FUS: variants seen among roughly 807,000 people sequenced by gnomAD.
The protein encoded by FUS is FUS RNA binding protein.
A neutral mutation model predicts 82.7 loss-of-function variants in FUS; 5 were observed. The observed-to-expected ratio is 0.06, with a 90% CI of 0.03 to 0.13. The LOEUF (loss-of-function observed/expected upper bound fraction) is 0.13. Ranked by LOEUF, FUS falls within the 10% of genes least tolerant of loss-of-function variation. The pLI, the probability that FUS is intolerant of heterozygous loss-of-function variation, is 1.00. For missense variants in FUS, 512 were observed against 707.8 expected (o/e 0.72, Z 3.14); for synonymous variants, 281 against 247.4 (o/e 1.14, Z -1.27).
intron 9 of FUS, 25 bp downstream of exon 9, chr16:31,189,251 T>C (rs1402432037): frequency 6.8e-7 from 1 of 1,481,132 alleles, no homozygotes; most frequent in Non-Finnish European, 9.4e-7. Flanking sequence ...GAGTGGGAGC[T>C]TTCTGTCAGT....
At chr16:31,186,928 T>C in intron 7 of FUS, 92 bp downstream of exon 7, 1 of 1,333,334 alleles carries the variant, frequency 7.5e-7, no homozygotes, top group Non-Finnish European at 1.1e-6. Context: ...AATTTAAATG[T>C]CAAAGGTTTT....
chr16:31,182,084 G>C, intron 1 of FUS: 1 of 387,374 alleles, frequency 2.6e-6, no homozygotes, highest in Non-Finnish European at 4.9e-6. Flanking sequence ...TCTGCCTCCC[G>C]GGTTCAAGCG....
chr16:31,189,828 G>A (rs1247349499), intron 10 of FUS, 34 bp downstream of exon 10: 1 of 1,613,392 alleles, frequency 6.2e-7, no homozygotes, highest in African/African-American at 1.3e-5. Flanking sequence ...GGTGGGGCTG[G>A]GGATATAGGG....
Position 31,190,963 on chromosome 16 carries a change from G to A in FUS, c.1394G>A (p.Gly465Glu), listed in dbSNP as rs141684472. The change falls in exon 14 of 15, where the codon GGG becomes GAG. Residue 465 changes from glycine to glutamate, a missense_variant and splice_region_variant. Coordinates refer to ENST00000254108, the MANE Select transcript of FUS (RefSeq NM_004960.4). The part of the protein sequence containing the change: ...PGGGPGGSHM[G>E]GNYGDDRRGG... ...ATAGATCTTGTTTCTTTTGTCCTAG[G>A]GGGTAACTACGGGGATGATCGTCGT... 24 of 1,612,394 alleles carry A rather than the reference G, an allele frequency of 1.5e-5. No individual in the cohort carries two copies. Among genetic ancestry groups the A allele is most frequent in the Non-Finnish European group, 2.0e-5 (23 of 1,178,922 alleles).
Position 31,187,309 on chromosome 16 carries a change from T to A in FUS, c.799+473T>A, listed in dbSNP as rs72550857. 114 of 276,242 alleles carry A rather than the reference T, an allele frequency of 4.1e-4. 1 individual carries two copies. In the East Asian group the frequency reaches 4.9e-3, roughly 12 times the overall value. The allele number at this position is 276,242 out of a possible 1,614,324, so 17.1% of individuals were successfully genotyped here. ...GAGGATGGTGAAGTTGGTATACATT[T>A]ATAAAGTACGGAATGGTGTCAATGA... is the stretch of plus-strand genomic sequence containing the variant. On this transcript the variant is annotated intron_variant, in intron 7 of 14. Transcript: ENST00000254108.
Position 31,185,093 on chromosome 16 carries a change from C to A in FUS, c.678C>A (p.Gly226=). Reference sequence around the variant, plus strand: ...GGGGTGGCAGTGGTGGCGGCGGCGGCGGCGGCGGTGGTGGTTACAACCGCA... The same window carrying A: ...GGGGTGGCAGTGGTGGCGGCGGCGGAGGCGGCGGTGGTGGTTACAACCGCA... ...RGRGGSGGGG[G]GGGGGYNRSS... The change falls in exon 6 of 15, where the codon GGC becomes GGA. Residue 226 remains glycine (G), a synonymous_variant. Transcript: ENST00000254108. The A allele has an allele frequency of 6.2e-7, 1 of 1,605,332 alleles. No homozygotes were observed. Among genetic ancestry groups the A allele is most frequent in the Non-Finnish European group, 8.5e-7 (1 of 1,176,096 alleles).
intron 10 of FUS, 66 bp downstream of exon 10, chr16:31,189,860 C>A (rs1164940107): frequency 1.2e-6 from 2 of 1,611,746 alleles, no homozygotes; most frequent in Admixed American, 1.7e-5. Flanking sequence ...AGGAAACAAG[C>A]CATAGTTTGA....
At chr16:31,192,847 C>T (rs537114134), downstream of FUS, 22 of 483,908 alleles carry the variant, frequency 4.5e-5, no homozygotes, top group East Asian at 9.3e-4. Context: ...GCTGGAATTA[C>T]AGGCATGAGC....
At chr16:31,181,244 G>C in intron 1 of FUS, among the ~76,000 whole-genome samples, 1 of 152,192 alleles carries the variant, frequency 6.6e-6, no homozygotes, top group East Asian at 1.9e-4. Context: ...GATAGGGACG[G>C]AGAAGAACGG....
chr16:31,194,719 A>C (rs1018699877), downstream of FUS: 9 of 485,692 alleles, frequency 1.9e-5, no homozygotes, highest in Non-Finnish European at 3.3e-5. Flanking sequence ...ACTTCATATC[A>C]TTAGCATGAA....
intron 1 of FUS, among the ~76,000 whole-genome samples, chr16:31,181,637 TGA>T (rs1002605784): frequency 3.3e-5 from 5 of 152,302 alleles, no homozygotes; most frequent in African/African-American, 4.8e-5. Flanking sequence ...GGGTCTGGGC[TGA>T]GAGAGCAGAG....
intron 12 of FUS, 77 bp from the exon 13 acceptor site, chr16:31,190,665 T>G: frequency 7.3e-7 from 1 of 1,378,196 alleles, no homozygotes; most frequent in Non-Finnish European, 1.0e-6. Context: ...ATCTCTAAAG[T>G]CACCGTAGTT....
downstream of FUS, chr16:31,194,651 A>G (rs1247229631): frequency 1.0e-5 from 5 of 488,728 alleles, no homozygotes; most frequent in African/African-American, 3.9e-5. Context: ...ATGGGGTACA[A>G]TGTCCTATTT....
rs2058034365 is a variant in FUS at position 31,180,226 on chromosome 16, CGGTA to C, written c.13+4_13+7del. On this transcript the variant is annotated splice_donor_variant and splice_donor_region_variant and coding_sequence_variant and intron_variant, in exon 1 of 15. Coordinates refer to ENST00000254108, the MANE Select transcript of FUS (RefSeq NM_004960.4). LOFTEE classifies it high-confidence loss of function. ...GCGCGTGCGCGGACATGGCCTCAAA[CGGTA>C]GGTAAGGGCGCGAGGCGACGGCGGC... 1 of 1,610,844 alleles carries C rather than the reference CGGTA, an allele frequency of 6.2e-7. No individual in the cohort carries two copies. The highest frequency in any genetic ancestry group is 8.5e-7 in the Non-Finnish European group (1 of 1,178,658).
chr16:31,181,575 G>A (rs1376303743), intron 1 of FUS, among the ~76,000 whole-genome samples: 1 of 152,146 alleles, frequency 6.6e-6, no homozygotes, highest in Non-Finnish European at 1.5e-5. Context: ...CTTCATCTCC[G>A]GGATTGGTCA....
rs529541490 is a variant in FUS at position 31,180,187 on chromosome 16, T to G, written c.-28T>G. On this transcript the variant is annotated 5_prime_UTR_variant, in exon 1 of 15. Transcript: ENST00000254108. ...CTCAGCGGTGTTGGAACTTCGTTGCTTGCTTGCCTGTGCGCGCGTGCGCGG... is the reference window on the plus strand; with the variant it reads ...CTCAGCGGTGTTGGAACTTCGTTGCGTGCTTGCCTGTGCGCGCGTGCGCGG... The G allele has an allele frequency of 1.7e-5, 28 of 1,609,722 alleles. No individual in the cohort carries two copies. Among genetic ancestry groups the G allele is most frequent in the Non-Finnish European group, 2.4e-5 (28 of 1,178,036 alleles).
chr16:31,184,840 C>G, intron 5 of FUS, 99 bp from the exon 6 acceptor site: 2 of 1,201,154 alleles, frequency 1.7e-6, no homozygotes, highest in Non-Finnish European at 1.2e-6. Context: ...TTTCTTTTGT[C>G]CTTCATTGCC....
At chr16:31,193,289 G>A (rs1262725950), downstream of FUS, 11 of 515,144 alleles carry the variant, frequency 2.1e-5, no homozygotes, top group Non-Finnish European at 4.2e-5. Flanking sequence ...GCGGAGAGTG[G>A]TCTGGCGTAT....
At chr16:31,184,434 TTTTC>T in intron 5 of FUS, 38 bp downstream of exon 5, 1 of 1,544,768 alleles carries the variant, frequency 6.5e-7, no homozygotes, top group Non-Finnish European at 8.8e-7. Context: ...CCCATTTTCT[TTTTC>T]TTTTTTTTTT....
Sources: gnomAD v4.1 joint callset for allele counts (sites outside exome capture counted in the v4.1 genomes callset) on GRCh38, gnomAD v4.1.1 for gene constraint, MANE v1.5 for transcripts, NCBI Gene and HGNC (gene_info 2026-07-23, HGNC 2026-07-21) for gene names.